Variants in MS4A6A observed in about 807,000 individuals in gnomAD.
MS4A6A encodes the protein membrane spanning 4-domains A6A.
Under a neutral mutation model 20.6 loss-of-function variants are expected in MS4A6A, and 19 were observed. The ratio of observed to expected loss-of-function variants is 0.92; its 90% CI spans 0.64 to 1.36. MS4A6A has a LOEUF of 1.36. MS4A6A is among the 40% of genes most tolerant of loss of function. The pLI is 0.00. For synonymous variants in MS4A6A, 108 were observed against 105.0 expected, an observed-to-expected ratio of 1.03 and a Z score of -0.17; for missense variants, 272 against 261.1, an observed-to-expected ratio of 1.04 and a Z score of -0.29.
Position 60,175,567 on chromosome 11 carries a change from G to A in MS4A6A, c.384C>T (p.Ala128=). 1 of 1,613,900 alleles carries A rather than the reference G, an allele frequency of 6.2e-7. No homozygotes were observed. The change falls in exon 5 of 6, where the codon GCC becomes GCT. Residue 128 remains alanine (A), a synonymous_variant. Transcript: ENST00000528851. ...CAGACAGGATAATGAAACCCACCAGGGCAGACAGAGCACTCAGAATGCTTC... is the reference window on the plus strand; with the variant it reads ...CAGACAGGATAATGAAACCCACCAGAGCAGACAGAGCACTCAGAATGCTTC... ...LVGSILSALS[A]LVGFIILSVK...
chr11:60,173,880 G>A (rs183212018), intron 5 of MS4A6A, among the ~76,000 whole-genome samples: 99 of 152,260 alleles, frequency 6.5e-4, no homozygotes, highest in Non-Finnish European at 8.8e-4. Flanking sequence ...CTGGCCATCT[G>A]ATAATAAACG....
At chr11:60,182,308 A>T (rs1435567267) in intron 1 of MS4A6A, 1 of 153,122 alleles carries the variant, frequency 6.5e-6, no homozygotes, top group Non-Finnish European at 1.5e-5. Context: ...TATGAATGCA[A>T]ATAATATACC....
downstream of MS4A6A, chr11:60,172,062 A>G: frequency 8.3e-7 from 1 of 1,198,230 alleles, no homozygotes; most frequent in South Asian, 1.5e-5. Flanking sequence ...TTAAAAGCTT[A>G]CATTTAGGAA....
chr11:60,175,477 T>G lies in MS4A6A; in HGVS notation c.474A>C (p.Thr158=). ...GATAAAAGTAAGAAACATAACTTCT[T>G]GTTGGTATATTATTTTTGTCCAACT... The part of the protein sequence containing the change: ...QCELDKNNIP[T]RSYVSYFYHD... Residue 158 remains threonine, a synonymous_variant, in exon 5 of 6, where the codon ACA becomes ACC. Transcript: ENST00000528851. 1 of 1,614,216 alleles carries G rather than the reference T, an allele frequency of 6.2e-7. No homozygotes were observed. The highest frequency in any genetic ancestry group is 8.5e-7 in the Non-Finnish European group (1 of 1,180,020).
upstream of MS4A6A, chr11:60,184,172 G>A (rs1025811527): frequency 1.3e-5 from 2 of 152,196 alleles, no homozygotes; most frequent in Admixed American, 1.3e-4. Context: ...CCATTTAGAA[G>A]GCTGGATTAG....
chr11:60,183,333 T>C (rs2083837150), upstream of MS4A6A: 2 of 658,738 alleles, frequency 3.0e-6, no homozygotes. Flanking sequence ...TTTTCTAATC[T>C]GTTAAATAGA....
intron 4 of MS4A6A, 40 bp downstream of exon 4, chr11:60,178,220 T>C: frequency 6.4e-7 from 1 of 1,556,042 alleles, no homozygotes; most frequent in Non-Finnish European, 8.9e-7. Flanking sequence ...TAAGTTTTAT[T>C]TTGATCCATT....
intron 4 of MS4A6A, among the ~76,000 whole-genome samples, chr11:60,175,884 G>A (rs1856812734): frequency 6.6e-6 from 1 of 152,046 alleles, no homozygotes; most frequent in Non-Finnish European, 1.5e-5. Flanking sequence ...CTTTCCCCAG[G>A]ACAGATAGCA....
At chr11:60,179,587 T>A (rs530224188) in intron 3 of MS4A6A, 2 of 605,054 alleles carry the variant, frequency 3.3e-6, no homozygotes, top group South Asian at 4.0e-5. Flanking sequence ...AGCTTCATCA[T>A]AGCTCAAGAT....
Position 60,172,584 on chromosome 11 carries a change from T to C in MS4A6A, c.*417A>G. ...GGGGCAAATGCAGAGCATAAGACAT[T>C]CACTGGATCCAGTTACGTGTGTAAA... On this transcript the variant is annotated 3_prime_UTR_variant, in exon 6 of 6. Coordinates refer to ENST00000528851, the MANE Select transcript of MS4A6A (RefSeq NM_022349.4). The C allele has an allele frequency of 9.8e-6, 11 of 1,125,876 alleles. No individual in the cohort carries two copies. Among genetic ancestry groups the C allele is most frequent in the Non-Finnish European group, 9.8e-6 (9 of 916,184 alleles). 69.7% of individuals were successfully genotyped at this position (1,125,876 alleles called of 1,614,324 possible).
rs2083817854 is a variant in MS4A6A at position 60,182,961 on chromosome 11, C to CT, written c.-15+16dup. On this transcript the variant is annotated intron_variant, in intron 1 of 5. Coordinates refer to ENST00000528851, the MANE Select transcript of MS4A6A (RefSeq NM_022349.4). ...AAGGGAATAGTGAGATGAGAAAAGT[C>CT]TTCCAGCATTACCTACCTGTGCCCG... The CT allele has an allele frequency of 7.4e-7, 1 of 1,353,206 alleles. No individual in the cohort carries two copies. The highest frequency in any genetic ancestry group is 9.5e-7 in the Non-Finnish European group (1 of 1,055,052). The allele number at this position is 1,353,206 out of a possible 1,614,324, so 83.8% of individuals were successfully genotyped here.
At chr11:60,174,808 A>G (rs111927873) in intron 5 of MS4A6A, among the ~76,000 whole-genome samples, 3 of 152,124 alleles carry the variant, frequency 2.0e-5, no homozygotes, top group Non-Finnish European at 4.4e-5. Context: ...TATATTTCTT[A>G]TCTCCTGATT....
chr11:60,179,551 TCGCCTAAAC>T, intron 3 of MS4A6A: 1 of 586,936 alleles, frequency 1.7e-6, no homozygotes, highest in Non-Finnish European at 3.0e-6. Flanking sequence ...GATTTTTTTT[TCGCCTAAAC>T]CTGGAGAGAA....
chr11:60,182,867 A>G, intron 1 of MS4A6A, 111 bp downstream of exon 1: 1 of 419,110 alleles, frequency 2.4e-6, no homozygotes, highest in Non-Finnish European at 3.7e-6. Context: ...TATTTCCAAA[A>G]GGCCCTAGTG....
chr11:60,172,029 G>C, downstream of MS4A6A: 1 of 872,366 alleles, frequency 1.1e-6, no homozygotes, highest in Non-Finnish European at 1.7e-6. Flanking sequence ...GTGAAATAAT[G>C]GTTTTTTTTA....
chr11:60,178,394 A>G (rs1856959100), intron 3 of MS4A6A, 78 bp from the exon 4 acceptor site: 1 of 1,177,402 alleles, frequency 8.5e-7, no homozygotes, highest in Admixed American at 1.9e-5. Context: ...ATGTTTATAG[A>G]CAACTCTCAT....
chr11:60,172,577 A>G lies in MS4A6A; in HGVS notation c.*424T>C. The G allele has an allele frequency of 1.8e-6, 2 of 1,131,874 alleles. No homozygotes were observed. Among genetic ancestry groups the G allele is most frequent in the Non-Finnish European group, 2.2e-6 (2 of 920,134 alleles). 70.1% of individuals were successfully genotyped at this position (1,131,874 alleles called of 1,614,324 possible). A position where few individuals can be genotyped will look rare whatever the true frequency, so the allele number is the denominator to read the frequency against. On this transcript the variant is annotated 3_prime_UTR_variant, in exon 6 of 6. Coordinates refer to ENST00000528851, the MANE Select transcript of MS4A6A (RefSeq NM_022349.4). ...ATCACCAGGGGCAAATGCAGAGCAT[A>G]AGACATTCACTGGATCCAGTTACGT...
rs1741834371 is a variant in MS4A6A at position 60,172,767 on chromosome 11, C to G, written c.*234G>C. ...TCATTTAACTTCCCAGAGTCTCATT[C>G]CCTTCGCTGACAAAATAGGAAGATT... On this transcript the variant is annotated 3_prime_UTR_variant, in exon 6 of 6. Coordinates refer to ENST00000528851, the MANE Select transcript of MS4A6A (RefSeq NM_022349.4). 6.2e-6 allele frequency: 8 copies of G among 1,296,686 alleles called. No homozygotes were observed. Among genetic ancestry groups the G allele is most frequent in the Non-Finnish European group, 6.9e-6 (7 of 1,011,730 alleles). 80.3% of individuals were successfully genotyped at this position (1,296,686 alleles called of 1,614,324 possible).
At chr11:60,176,523 C>G (rs772541135) in intron 4 of MS4A6A, among the ~76,000 whole-genome samples, 85 of 152,058 alleles carry the variant, frequency 5.6e-4, no homozygotes, top group Admixed American at 9.8e-4. Flanking sequence ...GCTAAGAGTA[C>G]TCTGAGAGCT....
Sources: allele counts gnomAD v4.1 joint callset (sites outside exome capture counted in the v4.1 genomes callset), GRCh38; gene constraint gnomAD v4.1.1; transcripts MANE v1.5; gene names NCBI Gene and HGNC (gene_info 2026-07-23, HGNC 2026-07-21).